Variants in TSPAN13 observed in about 807,000 individuals in gnomAD.
The protein encoded by TSPAN13 is tetraspanin-13.
Under a neutral mutation model 26.9 loss-of-function variants are expected in TSPAN13, and 18 were observed. That is an observed-to-expected ratio of 0.67 (90% CI 0.46 to 0.99). The LOEUF is 0.99. Among genes scored for constraint, TSPAN13 ranks in the 50% least tolerant of loss-of-function variants. TSPAN13 has a pLI of 0.00. For missense variants in TSPAN13, 201 were observed against 249.6 expected (o/e 0.81, Z 1.31); for synonymous variants, 116 against 98.4 (o/e 1.18, Z -1.06).
chr7:16,768,401 C>T (rs1001194671), intron 1 of TSPAN13, among the ~76,000 whole-genome samples: 2 of 152,198 alleles, frequency 1.3e-5, no homozygotes, highest in African/African-American at 4.8e-5. Flanking sequence ...CTATCCCTTC[C>T]TTACTGTCTA....
intron 1 of TSPAN13, among the ~76,000 whole-genome samples, chr7:16,758,447 G>A (rs1784506911): frequency 6.6e-6 from 1 of 152,130 alleles, no homozygotes; most frequent in Non-Finnish European, 1.5e-5. Context: ...GTATATAAAT[G>A]CTTTAGATGT....
At chr7:16,768,487 C>T (rs950951873) in intron 1 of TSPAN13, among the ~76,000 whole-genome samples, 4 of 152,214 alleles carry the variant, frequency 2.6e-5, no homozygotes, top group African/African-American at 9.7e-5. Context: ...ACAGTACCTA[C>T]CTCTTAGGGT....
chr7:16,783,253 G>A (rs949199191), intron 5 of TSPAN13, among the ~76,000 whole-genome samples, 164 bp from the exon 6 acceptor site: 7 of 152,102 alleles, frequency 4.6e-5, no homozygotes, highest in South Asian at 2.1e-4. Flanking sequence ...CTCAGCGCCC[G>A]TCATTTGGTT....
chr7:16,766,703 T>A (rs1051897326), intron 1 of TSPAN13, among the ~76,000 whole-genome samples: 1 of 152,144 alleles, frequency 6.6e-6, no homozygotes. Context: ...ATGTCTAGAT[T>A]TAAGTAGCTG....
Position 16,760,890 on chromosome 7 carries a change from G to A in TSPAN13, c.63+6860G>A, listed in dbSNP as rs1253418901. Among the ~76,000 whole-genome samples, 3 of 152,202 alleles carry A rather than the reference G, an allele frequency of 2.0e-5. No homozygotes were observed. In the East Asian group the frequency reaches 5.8e-4, roughly 29 times the overall value. On this transcript the variant is annotated intron_variant, in intron 1 of 5. Transcript: ENST00000262067. The stretch of plus-strand genomic sequence containing the variant: ...TCTTATAATCCTCTGAACAATAAAG[G>A]CAATGTCGCAGTCATTCTGGCTTTC...
In TSPAN13 at chr7:16,784,014, A is replaced by G. The variant is rs1784844370; in HGVS notation, c.*523A>G. ...GGTAAAAAGTGTTAGTATAAAAATG[A>G]TAATTTACTTGTAGTCTTTTATGAT... On this transcript the variant is annotated 3_prime_UTR_variant, in exon 6 of 6. Coordinates refer to ENST00000262067, the MANE Select transcript of TSPAN13 (RefSeq NM_014399.4). 1 of 152,944 alleles carries G rather than the reference A, an allele frequency of 6.5e-6. No homozygotes were observed. The highest frequency in any genetic ancestry group is 2.4e-5 in the African/African-American group (1 of 41,456). The allele number at this position is 152,944 out of a possible 1,614,324, so 9.5% of individuals were successfully genotyped here. A position where few individuals can be genotyped will look rare whatever the true frequency, so the allele number is the denominator to read the frequency against.
At chr7:16,778,580 T>A (rs1295994606) in intron 4 of TSPAN13, among the ~76,000 whole-genome samples, 2 of 152,164 alleles carry the variant, frequency 1.3e-5, no homozygotes, top group Non-Finnish European at 2.9e-5. Context: ...CCACCCCTGT[T>A]TTTTTGCTGC....
chr7:16,776,077 T>C, intron 1 of TSPAN13, 134 bp from the exon 2 acceptor site: 1 of 718,392 alleles, frequency 1.4e-6, no homozygotes, highest in Non-Finnish European at 2.2e-6. Flanking sequence ...ATTCTTGTAT[T>C]AAGTTTTAGT....
Position 16,783,400 on chromosome 7 carries a change from T to C in TSPAN13, c.541-17T>C. Reference sequence around the variant, plus strand: ...TACTTTCTTTTTCTTTACTTTATTTTTTTTTCCCCATTCCAGATCCTGGGT... The same window carrying C: ...TACTTTCTTTTTCTTTACTTTATTTCTTTTTCCCCATTCCAGATCCTGGGT... On this transcript the variant is annotated splice_polypyrimidine_tract_variant and intron_variant, in intron 5 of 5. Transcript: ENST00000262067. The C allele has an allele frequency of 6.2e-7, 1 of 1,610,110 alleles. No homozygotes were observed. Among genetic ancestry groups the C allele is most frequent in the South Asian group, 1.1e-5 (1 of 90,628 alleles).
chr7:16,767,876 C>T (rs1250961223), intron 1 of TSPAN13, among the ~76,000 whole-genome samples: 1 of 151,916 alleles, frequency 6.6e-6, no homozygotes, highest in Non-Finnish European at 1.5e-5. Flanking sequence ...TGCTTTTTGT[C>T]TTAAGTTCAT....
intron 1 of TSPAN13, among the ~76,000 whole-genome samples, chr7:16,761,512 C>G (rs1784540577): frequency 6.6e-6 from 1 of 151,814 alleles, no homozygotes; most frequent in South Asian, 2.1e-4. Context: ...GGAAGATAGT[C>G]TGGGGCTTTG....
At chr7:16,775,688 G>A (rs1336536868) in intron 1 of TSPAN13, 2 of 152,342 alleles carry the variant, frequency 1.3e-5, no homozygotes, top group African/African-American at 2.4e-5. Flanking sequence ...AACACAATGT[G>A]TGATGAAGGG....
intron 1 of TSPAN13, among the ~76,000 whole-genome samples, chr7:16,760,907 C>G (rs116787895): frequency 0.019 from 2,828 of 152,286 alleles, 78 homozygotes; most frequent in African/African-American, 0.064. Flanking sequence ...CGCAGTCATT[C>G]TGGCTTTCCT....
intron 1 of TSPAN13, among the ~76,000 whole-genome samples, chr7:16,761,362 C>A (rs918182729): frequency 6.6e-6 from 1 of 152,202 alleles, no homozygotes; most frequent in Non-Finnish European, 1.5e-5. Flanking sequence ...TTTCATATTT[C>A]CATCCAGCTG....
intron 1 of TSPAN13, among the ~76,000 whole-genome samples, chr7:16,768,656 A>C (rs1784637453): frequency 6.6e-6 from 1 of 152,214 alleles, no homozygotes; most frequent in East Asian, 1.9e-4. Flanking sequence ...CTATACTTTT[A>C]AGTTGTGCTT....
intron 5 of TSPAN13, among the ~76,000 whole-genome samples, chr7:16,782,402 C>G (rs897136456): frequency 3.9e-5 from 6 of 152,136 alleles, no homozygotes; most frequent in African/African-American, 1.2e-4. Flanking sequence ...GTCACATAAA[C>G]AAAATTTAGG....
chr7:16,760,509 T>C (rs1167853701), intron 1 of TSPAN13, among the ~76,000 whole-genome samples: 1 of 152,054 alleles, frequency 6.6e-6, no homozygotes, highest in African/African-American at 2.4e-5. Context: ...AATGAGAGGA[T>C]TCAGTATTGG....
intron 1 of TSPAN13, among the ~76,000 whole-genome samples, chr7:16,761,690 A>ATTTTTT (rs35451307): frequency 1.2e-3 from 109 of 93,320 alleles, no homozygotes; most frequent in East Asian, 2.2e-3. Flanking sequence ...CAGCTAATTA[A>ATTTTTT]TTTTTTTTTT....
chr7:16,768,505 A>T (rs1461498373), intron 1 of TSPAN13, among the ~76,000 whole-genome samples: 9 of 152,214 alleles, frequency 5.9e-5, no homozygotes, highest in Non-Finnish European at 1.3e-4. Flanking sequence ...GGTTTTTGTG[A>T]AGATTAAATT....
Sources: allele counts gnomAD v4.1 joint callset (sites outside exome capture counted in the v4.1 genomes callset), GRCh38; gene constraint gnomAD v4.1.1; transcripts MANE v1.5; gene names NCBI Gene and HGNC (gene_info 2026-07-23, HGNC 2026-07-21).